PCDHGA7: variants seen among roughly 807,000 people sequenced by gnomAD.
The protein encoded by PCDHGA7 is protocadherin gamma subfamily A, 7.
A neutral mutation model predicts 58.3 loss-of-function variants in PCDHGA7; 44 were observed. That is an observed-to-expected ratio of 0.75 (90% confidence interval 0.59 to 0.97). PCDHGA7 has a LOEUF of 0.97. Ranked by LOEUF, PCDHGA7 falls within the 50% of genes least tolerant of loss-of-function variation. The pLI is 0.00. For synonymous variants in PCDHGA7, 516 were observed against 504.2 expected (o/e 1.02, Z -0.31); for missense variants, 1,266 against 1,188.7 (o/e 1.06, Z -0.96).
chr5:141,413,445 C>A (rs764464917), intron 1 of PCDHGA7: 1 of 1,613,986 alleles, frequency 6.2e-7, no homozygotes, highest in Admixed American at 1.7e-5. Flanking sequence ...GCTTGATCAC[C>A]GCGGGCAGGA....
At position 141,485,677 on chromosome 5, in the gene PCDHGA7, C is replaced by T. The variant is rs757797282; in HGVS notation, c.2425-9130C>T. ...CAGATGTGGGGAGCAATTCGATTAG[C>T]AGCTATAGGCTGAGCTCCAATGAAC... On this transcript the variant is annotated intron_variant, in intron 1 of 3. Transcript: ENST00000518325. This position sits in a 1 kb window ranked among gnomAD's most constrained non-coding sequence, Gnocchi z 5.7. 2.4e-5 allele frequency: 38 copies of T among 1,612,714 alleles called. No individual in the cohort carries two copies. In the East Asian group the frequency reaches 7.8e-4, roughly 33 times the overall value.
chr5:141,403,544 C>A (rs1300060255), intron 1 of PCDHGA7: 2 of 1,613,970 alleles, frequency 1.2e-6, no homozygotes, highest in South Asian at 1.1e-5. Flanking sequence ...GGTGCTGGAG[C>A]GCGCCCTGGA....
intron 1 of PCDHGA7, chr5:141,478,541 G>T (rs905837179): frequency 1.2e-6 from 2 of 1,605,590 alleles, no homozygotes; most frequent in Non-Finnish European, 1.7e-6. Flanking sequence ...CGCCCCTCCC[G>T]GACAGGTAAG....
At chr5:141,426,398 C>A (rs1264385461) in intron 1 of PCDHGA7, 3 of 257,270 alleles carry the variant, frequency 1.2e-5, no homozygotes, top group Non-Finnish European at 2.3e-5. Context: ...TACTCTATTC[C>A]AGAAGAAACG....
intron 1 of PCDHGA7, chr5:141,398,640 ACT>A (rs2093681875): frequency 1.9e-6 from 3 of 1,613,828 alleles, no homozygotes; most frequent in Non-Finnish European, 2.5e-6. Flanking sequence ...AGAAGTATAA[ACT>A]CTCTCTTAAC....
At chr5:141,492,933 A>G (rs935580560) in intron 1 of PCDHGA7, among the ~76,000 whole-genome samples, 3 of 152,194 alleles carry the variant, frequency 2.0e-5, no homozygotes, top group Admixed American at 6.5e-5. Flanking sequence ...CTAGGGTCAG[A>G]GATTTGGAGG....
At chr5:141,466,929 T>C (rs2099132302) in intron 1 of PCDHGA7, among the ~76,000 whole-genome samples, 1 of 152,232 alleles carries the variant, frequency 6.6e-6, no homozygotes, top group African/African-American at 2.4e-5. Context: ...TTAGGAATAT[T>C]AGTCCTTTGT....
In PCDHGA7 at chr5:141,476,760, CG is replaced by C. The variant is rs1325258321; in HGVS notation, c.2425-18045del. The C allele has an allele frequency of 6.2e-7, 1 of 1,613,706 alleles. No individual in the cohort carries two copies. Among genetic ancestry groups the C allele is most frequent in the African/African-American group, 1.3e-5 (1 of 74,930 alleles). On this transcript the variant is annotated intron_variant, in intron 1 of 3. Coordinates refer to ENST00000518325, the MANE Select transcript of PCDHGA7 (RefSeq NM_018920.4). This position sits in a 1 kb window ranked among gnomAD's most constrained non-coding sequence, Gnocchi z 7.6. ...GAGCCTAGTCTCCAGTTAGTGCTGA[CG>C]GCGTTGGACGGAGGGACCCCAGCTC...
chr5:141,418,016 G>C (rs772945671), intron 1 of PCDHGA7: 1 of 1,613,968 alleles, frequency 6.2e-7, no homozygotes, highest in Non-Finnish European at 8.5e-7. Context: ...CCTCGCTAAG[G>C]ATCTAGGGCT....
intron 1 of PCDHGA7, chr5:141,393,748 G>A (rs368249829): frequency 1.2e-6 from 2 of 1,613,866 alleles, no homozygotes; most frequent in Non-Finnish European, 8.5e-7. Flanking sequence ...TATGAAGAAT[G>A]TTCATTTTAT....
At chr5:141,509,599 A>G (rs964564148) in intron 3 of PCDHGA7, among the ~76,000 whole-genome samples, 6 of 152,158 alleles carry the variant, frequency 3.9e-5, no homozygotes, top group African/African-American at 1.4e-4. Context: ...CAATTCCGAG[A>G]GGCTGCATTC....
In PCDHGA7 at chr5:141,491,357, T is replaced by C; in HGVS notation, c.2425-3450T>C. 6.2e-7 allele frequency: 1 copy of C among 1,614,144 alleles called. No homozygotes were observed. Among genetic ancestry groups the C allele is most frequent in the South Asian group, 1.1e-5 (1 of 91,080 alleles). On this transcript the variant is annotated intron_variant, in intron 1 of 3. Transcript: ENST00000518325. This position sits in a 1 kb window ranked among gnomAD's most constrained non-coding sequence, Gnocchi z 6.9. ...CTAGCGACCGTCAGTCTCTTATCCCTAGTCACCTTCACCTTTCTGTCAGCG... is the reference window on the plus strand; with the variant it reads ...CTAGCGACCGTCAGTCTCTTATCCCCAGTCACCTTCACCTTTCTGTCAGCG...
intron 3 of PCDHGA7, 72 bp from the exon 4 acceptor site, chr5:141,510,875 C>T: frequency 6.2e-7 from 1 of 1,610,120 alleles, no homozygotes; most frequent in Admixed American, 1.7e-5. Context: ...TCATTAACTG[C>T]TGGGGATATA....
intron 1 of PCDHGA7, chr5:141,387,617 T>C (rs1169967462): frequency 3.5e-6 from 2 of 570,390 alleles, no homozygotes; most frequent in African/African-American, 3.8e-5. Context: ...AGTTTCCTAG[T>C]GCTGACTCTG....
intron 1 of PCDHGA7, among the ~76,000 whole-genome samples, chr5:141,387,190 T>C (rs2090856336): frequency 1.3e-5 from 2 of 152,124 alleles, no homozygotes; most frequent in African/African-American, 2.4e-5. Context: ...AAAAGGCAAT[T>C]TTGGTATTAC....
rs115568443 is a variant in PCDHGA7 at position 141,439,423 on chromosome 5, A to G, written c.2424+54100A>G. On this transcript the variant is annotated intron_variant, in intron 1 of 3. Coordinates refer to ENST00000518325, the MANE Select transcript of PCDHGA7 (RefSeq NM_018920.4). ...TGTGCTAACATCACTGAGGTTATAA[A>G]TTCCCAGGAATATTTTATTGCGGGA... 1.0e-2 allele frequency among the ~76,000 whole-genome samples: 1,522 copies of G among 152,306 alleles called. 34 individuals carry two copies. Among genetic ancestry groups the G allele is most frequent in the African/African-American group, 0.034 (1,425 of 41,558 alleles).
At chr5:141,394,430 C>T (rs2150569215) in intron 1 of PCDHGA7, 1 of 1,614,244 alleles carries the variant, frequency 6.2e-7, no homozygotes, top group African/African-American at 1.3e-5. Context: ...ACAGCGGGGA[C>T]CCGCCCCTCA....
chr5:141,487,067 G>C lies in PCDHGA7; in HGVS notation c.2425-7740G>C, dbSNP rs765539804. 3 of 1,614,048 alleles carry C rather than the reference G, an allele frequency of 1.9e-6. No individual in the cohort carries two copies. The highest frequency in any genetic ancestry group is 3.3e-5 in the Admixed American group (2 of 60,010). ...ATATGCTGGGGAGGTGCGGACGGCT[G>C]TTCCTATCCCAGCTGACCTCCCACC... On this transcript the variant is annotated intron_variant, in intron 1 of 3. Coordinates refer to ENST00000518325, the MANE Select transcript of PCDHGA7 (RefSeq NM_018920.4). The surrounding 1 kb of genome is among the most constrained non-coding windows in gnomAD (Gnocchi z 5.0).
chr5:141,422,626 C>A, intron 1 of PCDHGA7: 2 of 1,613,334 alleles, frequency 1.2e-6, no homozygotes, highest in Non-Finnish European at 1.7e-6. Flanking sequence ...CGAAAACAAC[C>A]CCAGGGGTGC....
Sources: gnomAD v4.1 joint callset for allele counts (sites outside exome capture counted in the v4.1 genomes callset) on GRCh38, gnomAD v4.1.1 for gene constraint, Gnocchi (gnomAD v3.1) non-coding constraint, MANE v1.5 for transcripts, NCBI Gene and HGNC (gene_info 2026-07-23, HGNC 2026-07-21) for gene names.